NRXN3: variants seen among roughly 807,000 people sequenced by gnomAD.
The protein encoded by NRXN3 is neurexin 3.
NRXN3 carries 32 observed loss-of-function variants against 137.6 expected under a neutral mutation model. The observed-to-expected ratio is 0.23, with a 90% CI of 0.18 to 0.31. The LOEUF is 0.31. Among genes scored for constraint, NRXN3 ranks in the 10% least tolerant of loss-of-function variants. The pLI is 1.00. For missense variants in NRXN3, 1,574 were observed against 2,062.5 expected (o/e 0.76, Z 4.59); for synonymous variants, 798 against 784.5 (o/e 1.02, Z -0.29).
chr14:79,087,272 C>T (rs2048305191), intron 15 of NRXN3, among the ~76,000 whole-genome samples: 1 of 152,134 alleles, frequency 6.6e-6, no homozygotes, highest in Non-Finnish European at 1.5e-5. Context: ...AGCCTGCTAC[C>T]TCTGGACTCT....
At chr14:78,410,965 G>T (rs776081122) in intron 4 of NRXN3, among the ~76,000 whole-genome samples, 1 of 152,170 alleles carries the variant, frequency 6.6e-6, no homozygotes, top group Non-Finnish European at 1.5e-5. Flanking sequence ...ATACTTCTTA[G>T]CTGGGTGACC....
At chr14:79,534,204 C>T (rs2097192654) in intron 16 of NRXN3, among the ~76,000 whole-genome samples, 1 of 152,150 alleles carries the variant, frequency 6.6e-6, no homozygotes, top group South Asian at 2.1e-4. Context: ...TATTCCACCT[C>T]TCTAGCCATC....
intron 4 of NRXN3, among the ~76,000 whole-genome samples, chr14:78,298,850 C>T (rs930350416): frequency 6.6e-6 from 1 of 152,174 alleles, no homozygotes; most frequent in Non-Finnish European, 1.5e-5. Flanking sequence ...CCATATATTC[C>T]TGTTTTTCTT....
chr14:78,963,749 A>G (rs2099412481), intron 11 of NRXN3, among the ~76,000 whole-genome samples: 1 of 152,196 alleles, frequency 6.6e-6, no homozygotes, highest in African/African-American at 2.4e-5. Flanking sequence ...AGCTCATAAC[A>G]TGTAAATCTA....
At chr14:79,288,826 T>C (rs2082701249) in intron 15 of NRXN3, among the ~76,000 whole-genome samples, 1 of 152,174 alleles carries the variant, frequency 6.6e-6, no homozygotes, top group African/African-American at 2.4e-5. Flanking sequence ...CCAATCTGCC[T>C]GAACCCGTTT....
intron 4 of NRXN3, among the ~76,000 whole-genome samples, chr14:78,308,308 T>C (rs1425207476): frequency 6.6e-6 from 1 of 152,098 alleles, no homozygotes; most frequent in African/African-American, 2.4e-5. Flanking sequence ...TGTGAGTGTG[T>C]GATTTTCTGT....
chr14:78,339,377 A>C (rs963241514), intron 4 of NRXN3, among the ~76,000 whole-genome samples: 2 of 152,208 alleles, frequency 1.3e-5, no homozygotes, highest in African/African-American at 4.8e-5. Flanking sequence ...CTAGAGCCTG[A>C]TGTCCACATC....
intron 15 of NRXN3, among the ~76,000 whole-genome samples, chr14:79,409,524 T>A (rs1366823734): frequency 6.7e-6 from 1 of 149,686 alleles, no homozygotes; most frequent in Non-Finnish European, 1.5e-5. Flanking sequence ...TATATATACA[T>A]GTATATATGT....
intron 10 of NRXN3, among the ~76,000 whole-genome samples, chr14:78,884,251 A>AT (rs1251120865): frequency 2.6e-5 from 4 of 152,180 alleles, no homozygotes; most frequent in African/African-American, 9.6e-5. Flanking sequence ...GAAAGCATTT[A>AT]TTTTTTGGGT....
chr14:78,450,697 T>C (rs1358091287), intron 4 of NRXN3, among the ~76,000 whole-genome samples: 1 of 152,208 alleles, frequency 6.6e-6, no homozygotes, highest in East Asian at 1.9e-4. Flanking sequence ...CTCTGCCTGC[T>C]GTGGACTTAT....
At chr14:79,145,267 C>G (rs2059187970) in intron 15 of NRXN3, among the ~76,000 whole-genome samples, 2 of 152,110 alleles carry the variant, frequency 1.3e-5, no homozygotes, top group Admixed American at 6.5e-5. Flanking sequence ...CTTTTGATCT[C>G]TTTGCAAAAT....
intron 20 of NRXN3, among the ~76,000 whole-genome samples, chr14:79,811,214 T>G (rs997828420): frequency 6.6e-6 from 1 of 152,220 alleles, no homozygotes; most frequent in Non-Finnish European, 1.5e-5. Flanking sequence ...TAAATTCTGA[T>G]AAAAGGCTCA....
chr14:79,066,963 C>T (rs1024739159), intron 15 of NRXN3, among the ~76,000 whole-genome samples: 2 of 151,732 alleles, frequency 1.3e-5, no homozygotes, highest in African/African-American at 4.8e-5. Context: ...TTTATTTTTT[C>T]CTCTTGCCTG....
At chr14:79,419,359 C>A (rs2095542944) in intron 15 of NRXN3, among the ~76,000 whole-genome samples, 1 of 152,178 alleles carries the variant, frequency 6.6e-6, no homozygotes, top group Non-Finnish European at 1.5e-5. Context: ...AATAGGGTTA[C>A]ATAAACCATT....
intron 10 of NRXN3, among the ~76,000 whole-genome samples, chr14:78,866,270 A>G (rs1455873325): frequency 6.6e-6 from 1 of 152,236 alleles, no homozygotes; most frequent in African/African-American, 2.4e-5. Flanking sequence ...ACACTGAAAA[A>G]GTGCCAACAA....
At chr14:78,587,127 T>C (rs1375766994) in intron 4 of NRXN3, among the ~76,000 whole-genome samples, 1 of 152,212 alleles carries the variant, frequency 6.6e-6, no homozygotes, top group Non-Finnish European at 1.5e-5. Context: ...GGTTCTGCAT[T>C]CAGCATACCA....
intron 16 of NRXN3, among the ~76,000 whole-genome samples, chr14:79,478,300 T>C (rs1039345113): frequency 6.6e-6 from 1 of 151,758 alleles, no homozygotes; most frequent in Non-Finnish European, 1.5e-5. Flanking sequence ...ATAACCTAGA[T>C]AGTGAAGTTT....
At chr14:79,363,145 C>T (rs913535894) in intron 15 of NRXN3, among the ~76,000 whole-genome samples, 6 of 151,962 alleles carry the variant, frequency 3.9e-5, no homozygotes, top group East Asian at 1.9e-4. Flanking sequence ...GAATTATAGG[C>T]GCCCACAACC....
At chr14:78,253,366 A>G (rs973374161) in intron 2 of NRXN3, among the ~76,000 whole-genome samples, 1 of 152,178 alleles carries the variant, frequency 6.6e-6, no homozygotes, top group Admixed American at 6.5e-5. Context: ...ACTGGAAACC[A>G]AGGTACATTA....
Sources: gnomAD v4.1 joint callset for allele counts (sites outside exome capture counted in the v4.1 genomes callset) on GRCh38, gnomAD v4.1.1 for gene constraint, MANE v1.5 for transcripts, NCBI Gene and HGNC (gene_info 2026-07-23, HGNC 2026-07-21) for gene names.